The following APAF1 variants were observed in gnomAD, a reference collection of about 807,000 sequenced individuals.
APAF1 encodes the protein apoptotic protease-activating factor 1.
In APAF1, 91 loss-of-function variants were observed where a neutral mutation model predicts 152.4. That is an observed-to-expected ratio of 0.60 (90% CI 0.50 to 0.71). The LOEUF (loss-of-function observed/expected upper bound fraction) is 0.71. Ranked by LOEUF, APAF1 falls within the 30% of genes least tolerant of loss-of-function variation. The pLI is 0.00. For missense variants in APAF1, 1,283 were observed against 1,472.0 expected (o/e 0.87, Z 2.10); for synonymous variants, 484 against 494.1 (o/e 0.98, Z 0.27).
At chr12:98,710,969 G>T (rs80047148) in intron 20 of APAF1, among the ~76,000 whole-genome samples, 2 of 152,144 alleles carry the variant, frequency 1.3e-5, no homozygotes, top group East Asian at 3.8e-4. Context: ...GGAGTAAATC[G>T]CCTGGTATGT....
intron 24 of APAF1, 134 bp downstream of exon 24, chr12:98,723,898 T>C: frequency 1.1e-6 from 1 of 947,042 alleles, no homozygotes; most frequent in South Asian, 1.4e-5. Flanking sequence ...TTTTGGAGGA[T>C]GCCCATTGGC....
chr12:98,668,290 C>G (rs1312232526), intron 10 of APAF1, among the ~76,000 whole-genome samples: 1 of 152,240 alleles, frequency 6.6e-6, no homozygotes, highest in East Asian at 1.9e-4. Context: ...AAATGAACCA[C>G]CTCAGAATTA....
chr12:98,658,661 G>C (rs1216239182), intron 4 of APAF1, among the ~76,000 whole-genome samples: 1 of 152,104 alleles, frequency 6.6e-6, no homozygotes, highest in African/African-American at 2.4e-5. Flanking sequence ...TCTCAACGAG[G>C]GGTGATTTCA....
chr12:98,732,290 C>A, intron 26 of APAF1, 130 bp from the exon 27 acceptor site: 1 of 790,152 alleles, frequency 1.3e-6, no homozygotes. Context: ...GCATTAAATC[C>A]GAGACATTTT....
intron 12 of APAF1, among the ~76,000 whole-genome samples, chr12:98,673,255 C>T (rs1228386879): frequency 6.6e-6 from 1 of 150,714 alleles, no homozygotes; most frequent in African/African-American, 2.4e-5. Context: ...CCGAGGCGGG[C>T]GGATCACCTG....
chr12:98,705,011 T>C (rs1252293470), intron 18 of APAF1, among the ~76,000 whole-genome samples: 1 of 152,160 alleles, frequency 6.6e-6, no homozygotes, highest in Non-Finnish European at 1.5e-5. Context: ...CTCGAATTCC[T>C]GACCTCAAGT....
In APAF1 at chr12:98,686,925, G is replaced by T. The variant is rs773765371; in HGVS notation, c.2304+52G>T. On this transcript the variant is annotated intron_variant, in intron 16 of 26. Transcript: ENST00000551964. ...GGTTGTATTTTATGGAAAGTCTTATGATTTGATTATAGAAATAGGTTTCTG... is the reference window on the plus strand; with the variant it reads ...GGTTGTATTTTATGGAAAGTCTTATTATTTGATTATAGAAATAGGTTTCTG... 5 of 1,571,020 alleles carry T rather than the reference G, an allele frequency of 3.2e-6. No homozygotes were observed. In the South Asian group the frequency reaches 4.6e-5, roughly 14 times the overall value.
In APAF1 at chr12:98,660,675, T is replaced by A. The variant is rs1325065628; in HGVS notation, c.710+1332T>A. 2.0e-5 allele frequency among the ~76,000 whole-genome samples: 3 copies of A among 152,196 alleles called. No homozygotes were observed. In the South Asian group the frequency reaches 6.2e-4, roughly 32 times the overall value. Reference sequence around the variant, plus strand: ...CTTTCATTTGTTCATTTAACCAACATTGAGTGTTGTGCCAGGTTCTGGGCC... The same window carrying A: ...CTTTCATTTGTTCATTTAACCAACAATGAGTGTTGTGCCAGGTTCTGGGCC... On this transcript the variant is annotated intron_variant, in intron 5 of 26. Transcript: ENST00000551964.
rs756319379 is a variant in APAF1 at position 98,662,456 on chromosome 12, G to T, written c.711G>T (p.Arg237Ser). 8 of 1,604,590 alleles carry T rather than the reference G, an allele frequency of 5.0e-6. No homozygotes were observed. In the Admixed American group the frequency reaches 1.2e-4, roughly 23 times the overall value. ...GATTAATATTTTTTTTTTAAATTAG[G>T]TCTCTCTTGATCTTGGATGATGTTT... ...LRILMLRKHPRSLLILDDVWD... is the reference protein window; with the variant it reads ...LRILMLRKHPSSLLILDDVWD... The change falls in exon 6 of 27, where the codon AGG (arginine) becomes AGT (serine). Residue 237 changes from arginine (R) to serine (S), a missense_variant and splice_region_variant. Physicochemically the swap from Arg to Ser is moderately radical, Grantham distance 110. Transcript: ENST00000551964.
At chr12:98,721,496 G>A (rs952385138) in intron 22 of APAF1, among the ~76,000 whole-genome samples, 3 of 152,140 alleles carry the variant, frequency 2.0e-5, no homozygotes, top group Non-Finnish European at 4.4e-5. Context: ...AATGGAATAA[G>A]GTCTTTTATG....
At chr12:98,646,629 G>C (rs987849276) in intron 1 of APAF1, among the ~76,000 whole-genome samples, 1 of 152,074 alleles carries the variant, frequency 6.6e-6, no homozygotes, top group African/African-American at 2.4e-5. Context: ...TGTAGTCTTG[G>C]TGTCTGACAT....
rs182280587 is a variant in APAF1, at chr12:98,671,792, G to C, written c.1793+73G>C. The C allele has an allele frequency of 3.8e-3, 5,378 of 1,411,898 alleles. 16 individuals are homozygous for C. Among genetic ancestry groups the C allele is most frequent in the Non-Finnish European group, 4.8e-3 (4,819 of 998,028 alleles). 87.5% of individuals were successfully genotyped at this position (1,411,898 alleles called of 1,614,324 possible). On this transcript the variant is annotated intron_variant, in intron 12 of 26. Transcript: ENST00000551964. ...TCATTATTTTTCAGGTGGTGAATACGATCACTCCAGGAGGATTTAACTACT... is the reference window on the plus strand; with the variant it reads ...TCATTATTTTTCAGGTGGTGAATACCATCACTCCAGGAGGATTTAACTACT...
intron 16 of APAF1, among the ~76,000 whole-genome samples, chr12:98,689,174 T>C (rs7977880): frequency 6.6e-6 from 1 of 152,144 alleles, no homozygotes; most frequent in Non-Finnish European, 1.5e-5. Context: ...CGCAGACTCA[T>C]TGGGATGACT....
chr12:98,658,539 A>G (rs1245138027), intron 4 of APAF1, among the ~76,000 whole-genome samples: 4 of 152,192 alleles, frequency 2.6e-5, no homozygotes. Context: ...ATGATTTGAT[A>G]AAGATTGCTT....
chr12:98,649,092 C>A, intron 3 of APAF1: 1 of 455,076 alleles, frequency 2.2e-6, no homozygotes, highest in Non-Finnish European at 2.9e-6. Flanking sequence ...GTTTATTTTC[C>A]AGTTCTATGT....
chr12:98,663,885 C>T (rs2097668733), intron 7 of APAF1, among the ~76,000 whole-genome samples: 1 of 152,172 alleles, frequency 6.6e-6, no homozygotes, highest in Admixed American at 6.5e-5. Context: ...TCTCGAACTC[C>T]TGACCTCAGG....
intron 4 of APAF1, among the ~76,000 whole-genome samples, chr12:98,650,201 T>A (rs1041754591): frequency 6.7e-6 from 1 of 150,002 alleles, no homozygotes; most frequent in Admixed American, 6.7e-5. Context: ...TAGTTAATAA[T>A]TTTTTTTTTA....
At position 98,733,525 on chromosome 12, in the gene APAF1, T is replaced by G. The variant is rs2097765089; in HGVS notation, c.*959T>G. ...ATACCTCATTGCAGCCTCAGACTCCTGGGTTCAAGCAATCCTCCTGCCTCA... is the reference window on the plus strand; with the variant it reads ...ATACCTCATTGCAGCCTCAGACTCCGGGGTTCAAGCAATCCTCCTGCCTCA... On this transcript the variant is annotated 3_prime_UTR_variant, in exon 27 of 27. Transcript: ENST00000551964. The G allele has an allele frequency of 6.6e-6, 1 of 152,448 alleles. No homozygotes were observed. Among genetic ancestry groups the G allele is most frequent in the African/African-American group, 2.4e-5 (1 of 41,398 alleles). The allele number at this position is 152,448 out of a possible 1,614,324, so 9.4% of individuals were successfully genotyped here.
intron 24 of APAF1, 91 bp downstream of exon 24, chr12:98,723,855 GCT>G: frequency 7.6e-7 from 1 of 1,322,878 alleles, no homozygotes. Flanking sequence ...CATAACAGTT[GCT>G]CTCTACATGT....
Sources: gnomAD v4.1 joint callset for allele counts (sites outside exome capture counted in the v4.1 genomes callset) on GRCh38, gnomAD v4.1.1 for gene constraint, MANE v1.5 for transcripts, NCBI Gene and HGNC (gene_info 2026-07-23, HGNC 2026-07-21) for gene names.